The following SNX5 variants were observed in gnomAD, a reference collection of about 807,000 sequenced individuals.
The protein encoded by SNX5 is sorting nexin-5.
SNX5 carries 31 observed loss-of-function variants against 53.9 expected under a neutral mutation model. The ratio of observed to expected loss-of-function variants is 0.58; its 90% confidence interval spans 0.43 to 0.78. SNX5 has a LOEUF of 0.78. SNX5 is among the 30% of genes least tolerant of loss of function. SNX5 has a pLI of 0.00. For synonymous variants in SNX5, 168 were observed against 171.1 expected (o/e 0.98, Z 0.14); for missense variants, 471 against 478.8 (o/e 0.98, Z 0.15).
chr20:17,951,685 C>CT, intron 5 of SNX5, 90 bp from the exon 6 acceptor site: 1 of 880,822 alleles, frequency 1.1e-6, no homozygotes, highest in East Asian at 2.5e-5. Flanking sequence ...AAGTAATCCT[C>CT]TTTATCAGTA....
chr20:17,955,370 G>C lies in SNX5; in HGVS notation c.262C>G (p.Leu88Val). The change falls in exon 3 of 13, where the codon CTT (leucine) becomes GTT (valine). Residue 88 changes from leucine to valine, a missense_variant. Coordinates refer to ENST00000377759, the MANE Select transcript of SNX5 (RefSeq NM_014426.4). ...TLIETTDYAG[L>V]IIPPAPTKPD... ...TGATTTTCTAAAAGACTCACAATAA[G>C]CCCAGCATAGTCTGTTGTTTCAATA... The C allele has an allele frequency of 6.2e-7, 1 of 1,608,602 alleles. No individual in the cohort carries two copies. The highest frequency in any genetic ancestry group is 8.5e-7 in the Non-Finnish European group (1 of 1,175,096).
chr20:17,961,704 TTC>T (rs1056543754), intron 1 of SNX5: 4 of 985,202 alleles, frequency 4.1e-6, no homozygotes, highest in African/African-American at 3.5e-5. Context: ...CTACAGTGTC[TTC>T]TCTTTCAAAC....
intron 2 of SNX5, among the ~76,000 whole-genome samples, chr20:17,956,014 C>T (rs966932362): frequency 1.3e-5 from 2 of 152,136 alleles, no homozygotes; most frequent in African/African-American, 4.8e-5. Context: ...CAGGCTCAAA[C>T]GATCTGCCCA....
chr20:17,952,500 A>C, intron 5 of SNX5, 87 bp downstream of exon 5: 1 of 1,312,438 alleles, frequency 7.6e-7, no homozygotes, highest in Non-Finnish European at 1.0e-6. Flanking sequence ...AGAAATTCAA[A>C]ACTTTAAAGC....
At chr20:17,946,987 A>G (rs2039495724) in intron 11 of SNX5, among the ~76,000 whole-genome samples, 1 of 152,238 alleles carries the variant, frequency 6.6e-6, no homozygotes, top group African/African-American at 2.4e-5. Flanking sequence ...AAAGTCAGAA[A>G]TACAGGATTT....
rs776908407 is a variant in SNX5 at position 17,950,403 on chromosome 20, G to C, written c.610-7C>G. ...CAAAGAAGTCATCTACCTCCTAGAA[G>C]GAAGAAAAAAAGAACCAGACATTTC... On this transcript the variant is annotated splice_polypyrimidine_tract_variant and splice_region_variant and intron_variant, in intron 6 of 12. Transcript: ENST00000377759. 1 of 1,534,432 alleles carries C rather than the reference G, an allele frequency of 6.5e-7. No individual in the cohort carries two copies. Among genetic ancestry groups the C allele is most frequent in the East Asian group, 2.2e-5 (1 of 44,520 alleles).
intron 6 of SNX5, among the ~76,000 whole-genome samples, chr20:17,950,866 G>A (rs1197909245): frequency 1.3e-5 from 2 of 152,186 alleles, no homozygotes; most frequent in African/African-American, 4.8e-5. Flanking sequence ...ACTGGACCAA[G>A]TCCGAGTTTC....
rs760748088 is a variant in SNX5, at chr20:17,950,218, A to G, written c.716-11T>C. 1.2e-6 allele frequency: 2 copies of G among 1,614,160 alleles called. No individual in the cohort carries two copies. The highest frequency in any genetic ancestry group is 4.5e-5 in the East Asian group (2 of 44,878). On this transcript the variant is annotated splice_polypyrimidine_tract_variant and intron_variant, in intron 7 of 12. Transcript: ENST00000377759. ...AGTCATCGGCAACATCTGCAGAAAC[A>G]AGGACAAGTCTTTTTATCCAAACAC...
Position 17,947,349 on chromosome 20 carries a change from C to T in SNX5, c.1078+137G>A, listed in dbSNP as rs1236739714. ...AGCCATGAGGATGACTGTGCATGTG[C>T]AAGTGATAAGGCAGAGGGGTGAAGT... On this transcript the variant is annotated intron_variant, in intron 11 of 12. Transcript: ENST00000377759. 4.7e-6 allele frequency: 4 copies of T among 859,886 alleles called. No homozygotes were observed. In the East Asian group the frequency reaches 1.1e-4, roughly 23 times the overall value. 53.3% of individuals were successfully genotyped at this position (859,886 alleles called of 1,614,324 possible).
chr20:17,945,760 T>C (rs1475729552), intron 11 of SNX5, among the ~76,000 whole-genome samples: 1 of 152,230 alleles, frequency 6.6e-6, no homozygotes, highest in Non-Finnish European at 1.5e-5. Context: ...AGTTAAGGCA[T>C]TGTATTATAA....
At position 17,950,746 on chromosome 20, in the gene SNX5, G is replaced by A. The variant is rs569560531; in HGVS notation, c.610-350C>T. Among the ~76,000 whole-genome samples, 14 of 152,022 alleles carry A rather than the reference G, an allele frequency of 9.2e-5. 1 individual carries two copies. The highest frequency in any genetic ancestry group is 8.3e-4 in the South Asian group (4 of 4,818). On this transcript the variant is annotated intron_variant, in intron 6 of 12. Coordinates refer to ENST00000377759, the MANE Select transcript of SNX5 (RefSeq NM_014426.4). ...TGTGTGAATGAGGTTTTTTTTTCTC[G>A]ATTGGTTTCAGACTGGGAGGAAATC... is the stretch of plus-strand genomic sequence containing the variant.
intron 1 of SNX5, chr20:17,967,995 A>C (rs2035584709): frequency 5.0e-6 from 2 of 398,106 alleles, no homozygotes; most frequent in Admixed American, 8.8e-5. Context: ...GGGGGCAACA[A>C]ACCAAACTGG....
At chr20:17,955,876 C>T (rs2035344046) in intron 2 of SNX5, among the ~76,000 whole-genome samples, 1 of 152,202 alleles carries the variant, frequency 6.6e-6, no homozygotes, top group Admixed American at 6.5e-5. Context: ...TCACTGCAAC[C>T]TCTGCCTTCC....
intron 3 of SNX5, 98 bp downstream of exon 3, chr20:17,955,265 CTT>C (rs1216565115): frequency 1.3e-6 from 1 of 788,744 alleles, no homozygotes; most frequent in Non-Finnish European, 2.1e-6. Flanking sequence ...TGAAATCTAA[CTT>C]TTCACAATCC....
intron 1 of SNX5, chr20:17,962,099 T>G (rs2035462789): frequency 2.1e-6 from 1 of 484,038 alleles, no homozygotes; most frequent in Admixed American, 6.4e-5. Context: ...TGAAGATAAC[T>G]AATACGTACC....
At chr20:17,955,506 C>T (rs2122386348) in intron 2 of SNX5, 31 bp from the exon 3 acceptor site, 1 of 1,513,482 alleles carries the variant, frequency 6.6e-7, no homozygotes, top group Admixed American at 1.7e-5. Context: ...TAACTGGTAA[C>T]CACGACTTTT....
At chr20:17,954,222 T>C in intron 3 of SNX5, 105 bp from the exon 4 acceptor site, 2 of 1,520,946 alleles carry the variant, frequency 1.3e-6, no homozygotes, top group South Asian at 1.3e-5. Flanking sequence ...ACCACTCCAC[T>C]CCTGTGGGGC....
rs112708922 is a variant in SNX5 at position 17,949,648 on chromosome 20, A to T, written c.791+484T>A. Among the ~76,000 whole-genome samples the T allele has an allele frequency of 5.3e-3, 812 of 152,340 alleles. 6 individuals are homozygous for T. The highest frequency in any genetic ancestry group is 0.019 in the African/African-American group (774 of 41,584). Reference sequence around the variant, plus strand: ...GGTAATTTCAGAAAATTGTACATCAAAACAGCTGTGTGTTAGACTGGGGTC... The same window carrying T: ...GGTAATTTCAGAAAATTGTACATCATAACAGCTGTGTGTTAGACTGGGGTC... On this transcript the variant is annotated intron_variant, in intron 8 of 12. Coordinates refer to ENST00000377759, the MANE Select transcript of SNX5 (RefSeq NM_014426.4).
rs369645254 is a variant in SNX5 at position 17,968,244 on chromosome 20, C to G, written c.51+131G>C. 7.2e-5 allele frequency: 52 copies of G among 722,558 alleles called. No individual in the cohort carries two copies. In the East Asian group the frequency reaches 1.3e-3, roughly 18 times the overall value. The allele number at this position is 722,558 out of a possible 1,614,324, so 44.8% of individuals were successfully genotyped here. On this transcript the variant is annotated intron_variant, in intron 1 of 12. Transcript: ENST00000377759. The stretch of plus-strand genomic sequence containing the variant: ...GACCAGGGAGAGGGGCCGCCCGGGT[C>G]TCACGGGTGCTTCCCGCGCTGGGGA...
Sources: gnomAD v4.1 joint callset for allele counts (sites outside exome capture counted in the v4.1 genomes callset) on GRCh38, gnomAD v4.1.1 for gene constraint, MANE v1.5 for transcripts, NCBI Gene and HGNC (gene_info 2026-07-23, HGNC 2026-07-21) for gene names.